The following ZMIZ1 variants were observed in gnomAD, a reference collection of about 807,000 sequenced individuals.
ZMIZ1 encodes the protein zinc finger MIZ domain-containing protein 1.
ZMIZ1 carries 17 observed loss-of-function variants against 113.9 expected under a neutral mutation model. That is an observed-to-expected ratio of 0.15 (90% CI 0.10 to 0.22). ZMIZ1 has a LOEUF of 0.22. Among genes scored for constraint, ZMIZ1 ranks in the 10% least tolerant of loss-of-function variants. The pLI, the probability that ZMIZ1 is intolerant of heterozygous loss-of-function variation, is 1.00. For missense variants in ZMIZ1, 1,059 were observed against 1,477.8 expected, an observed-to-expected ratio of 0.72 and a Z score of 4.65; for synonymous variants, 607 against 603.1, an observed-to-expected ratio of 1.01 and a Z score of -0.09.
intron 7 of ZMIZ1, among the ~76,000 whole-genome samples, chr10:79,231,496 G>A (rs1165507724): frequency 1.3e-5 from 2 of 151,864 alleles, no homozygotes; most frequent in Non-Finnish European, 2.9e-5. Context: ...TGCCCGCCTC[G>A]GCCTCCCAAA....
intron 23 of ZMIZ1, 68 bp downstream of exon 23, chr10:79,307,639 C>T: frequency 6.6e-7 from 1 of 1,520,794 alleles, no homozygotes; most frequent in Non-Finnish European, 8.9e-7. Flanking sequence ...GATCTGGATA[C>T]CCTGTTCCCT....
rs934848685 is a variant in ZMIZ1 at position 79,279,139 on chromosome 10, G to A, written c.425+1814G>A. Among the ~76,000 whole-genome samples the A allele has an allele frequency of 1.1e-4, 17 of 151,708 alleles. 1 individual carries two copies. Among genetic ancestry groups the A allele is most frequent in the African/African-American group, 2.2e-4 (9 of 41,300 alleles). ...CACCTCCCGGACGGGGCGGCTGGCC[G>A]GACGGGGGCTGCCCCCGACCTCCCG... is the stretch of plus-strand genomic sequence containing the variant. On this transcript the variant is annotated intron_variant, in intron 8 of 24. Coordinates refer to ENST00000334512, the MANE Select transcript of ZMIZ1 (RefSeq NM_020338.4).
chr10:79,267,487 T>C (rs1564566086), intron 7 of ZMIZ1, among the ~76,000 whole-genome samples: 1 of 152,228 alleles, frequency 6.6e-6, no homozygotes, highest in African/African-American at 2.4e-5. Context: ...CAACATTCTA[T>C]GTATAGTAAC....
chr10:79,265,806 C>G (rs773194007), intron 7 of ZMIZ1, among the ~76,000 whole-genome samples: 1 of 152,206 alleles, frequency 6.6e-6, no homozygotes, highest in African/African-American at 2.4e-5. Flanking sequence ...CCCATCCACT[C>G]TCCTAGGACC....
At chr10:79,205,001 A>ACGCATAGATGGATGGATGGATGGATACC (rs1342638110) in intron 5 of ZMIZ1, among the ~76,000 whole-genome samples, 4 of 152,330 alleles carry the variant, frequency 2.6e-5, no homozygotes, top group Non-Finnish European at 4.4e-5. Context: ...GGATGGATAC[A>ACGCATAGATGGATGGATGGATGGATACC]CGCATAGATG....
At chr10:79,152,017 A>G (rs1460116558) in intron 3 of ZMIZ1, among the ~76,000 whole-genome samples, 1 of 152,144 alleles carries the variant, frequency 6.6e-6, no homozygotes, top group East Asian at 1.9e-4. Flanking sequence ...CTCTGTTTAT[A>G]AGAGTTCAAA....
Position 79,069,976 on chromosome 10 carries a change from C to G in ZMIZ1, c.-337+706C>G, listed in dbSNP as rs898260852. Reference sequence around the variant, plus strand: ...AGTGCCTGGACGGGGCTGCCCCGGCCAGGAGGGGAGCCCAGGGGGAAGATG... The same window carrying G: ...AGTGCCTGGACGGGGCTGCCCCGGCGAGGAGGGGAGCCCAGGGGGAAGATG... On this transcript the variant is annotated intron_variant, in intron 1 of 24. Coordinates refer to ENST00000334512, the MANE Select transcript of ZMIZ1 (RefSeq NM_020338.4). The surrounding 1 kb of genome is among the most constrained non-coding windows in gnomAD (Gnocchi z 4.6). Among the ~76,000 whole-genome samples the G allele has an allele frequency of 6.6e-6, 1 of 151,256 alleles. No individual in the cohort carries two copies. Among genetic ancestry groups the G allele is most frequent in the East Asian group, 2.0e-4 (1 of 5,036 alleles).
chr10:79,080,120 C>T (rs1842608265), intron 1 of ZMIZ1, among the ~76,000 whole-genome samples: 1 of 152,116 alleles, frequency 6.6e-6, no homozygotes. Flanking sequence ...TGCCTCCCTG[C>T]TCGCAGTCCT....
intron 7 of ZMIZ1, among the ~76,000 whole-genome samples, chr10:79,264,249 C>T (rs1851450636): frequency 6.6e-6 from 1 of 152,178 alleles, no homozygotes; most frequent in African/African-American, 2.4e-5. Context: ...TGTCACCTTG[C>T]CTCTTGAGCT....
At chr10:79,070,017 G>C (rs1454904660) in intron 1 of ZMIZ1, among the ~76,000 whole-genome samples, 1 of 151,996 alleles carries the variant, frequency 6.6e-6, no homozygotes, top group Non-Finnish European at 1.5e-5. Context: ...GTGTGTGCGC[G>C]CGCGCGTTGC....
chr10:79,188,445 G>A lies in ZMIZ1; in HGVS notation c.-49-13139G>A, dbSNP rs576257011. Among the ~76,000 whole-genome samples, 7 of 152,342 alleles carry A rather than the reference G, an allele frequency of 4.6e-5. No homozygotes were observed. The East Asian group carries it at 7.7e-4, about 17-fold the overall frequency. The stretch of plus-strand genomic sequence containing the variant: ...GCCCAGGGCGCCTTCAGGCAGGCTC[G>A]TGGCTGGTTGGGTATATCCAAGGTG... On this transcript the variant is annotated intron_variant, in intron 4 of 24. Transcript: ENST00000334512.
chr10:79,284,322 A>T (rs1037406075), intron 8 of ZMIZ1, among the ~76,000 whole-genome samples: 4 of 152,220 alleles, frequency 2.6e-5, no homozygotes, highest in Admixed American at 1.3e-4. Flanking sequence ...TCTGCTTAGG[A>T]GGGTCCTTAA....
At chr10:79,088,222 A>G (rs1259721497) in intron 1 of ZMIZ1, among the ~76,000 whole-genome samples, 1 of 152,218 alleles carries the variant, frequency 6.6e-6, no homozygotes, top group Non-Finnish European at 1.5e-5. Flanking sequence ...GGGTCTGAGG[A>G]TACCTGTGAG....
chr10:79,096,260 C>T (rs1228972354), intron 1 of ZMIZ1, among the ~76,000 whole-genome samples: 1 of 152,118 alleles, frequency 6.6e-6, no homozygotes, highest in Non-Finnish European at 1.5e-5. Context: ...CCTGTAATAC[C>T]AGCACTTTGG....
intron 7 of ZMIZ1, among the ~76,000 whole-genome samples, chr10:79,245,128 G>A (rs751434697): frequency 6.6e-6 from 1 of 152,184 alleles, no homozygotes; most frequent in East Asian, 1.9e-4. Context: ...TACCGGAAGC[G>A]CAGCCTGCAC....
At chr10:79,257,932 G>A (rs933316019) in intron 7 of ZMIZ1, among the ~76,000 whole-genome samples, 1 of 152,214 alleles carries the variant, frequency 6.6e-6, no homozygotes, top group Non-Finnish European at 1.5e-5. Context: ...CTTTTGTTGA[G>A]CATTTGTCAT....
chr10:79,196,569 G>A (rs534483329), intron 4 of ZMIZ1, among the ~76,000 whole-genome samples: 15 of 152,322 alleles, frequency 9.8e-5, no homozygotes, highest in African/African-American at 2.4e-4. Flanking sequence ...AAGACTGCCC[G>A]TGACCCCACG....
Position 79,118,150 on chromosome 10 carries a change from A to G in ZMIZ1, c.-336-765A>G, listed in dbSNP as rs569511402. Among the ~76,000 whole-genome samples the G allele has an allele frequency of 6.6e-6, 1 of 152,196 alleles. No homozygotes were observed. Among genetic ancestry groups the G allele is most frequent in the Non-Finnish European group, 1.5e-5 (1 of 68,028 alleles). On this transcript the variant is annotated intron_variant, in intron 1 of 24. Coordinates refer to ENST00000334512, the MANE Select transcript of ZMIZ1 (RefSeq NM_020338.4). This position sits in a 1 kb window ranked among gnomAD's most constrained non-coding sequence, Gnocchi z 4.1. ...TCAGTTTCCTCATTTGTAAAATGAC[A>G]AGGAAAAGTATCAACCTCACCAAGT... is the stretch of plus-strand genomic sequence containing the variant.
chr10:79,266,728 G>A (rs1851630609), intron 7 of ZMIZ1, among the ~76,000 whole-genome samples: 1 of 152,194 alleles, frequency 6.6e-6, no homozygotes, highest in South Asian at 2.1e-4. Context: ...CCTCCTGGGA[G>A]ATGACCCAAG....
Sources: allele counts gnomAD v4.1 joint callset (sites outside exome capture counted in the v4.1 genomes callset), GRCh38; gene constraint gnomAD v4.1.1; non-coding constraint Gnocchi (gnomAD v3.1); transcripts MANE v1.5; gene names NCBI Gene and HGNC (gene_info 2026-07-23, HGNC 2026-07-21).